The following MAPK8 variants were observed in gnomAD, a reference collection of about 807,000 sequenced individuals.
The protein encoded by MAPK8 is JUN N-terminal kinase.
MAPK8 carries 13 observed loss-of-function variants against 52.9 expected under a neutral mutation model. The observed-to-expected ratio is 0.25, with a 90% CI of 0.16 to 0.39. MAPK8 has a LOEUF of 0.39. MAPK8 is among the 10% of genes least tolerant of loss of function. The pLI is 1.00. For synonymous variants in MAPK8, 191 were observed against 169.8 expected (o/e 1.12, Z -0.97); for missense variants, 300 against 519.2 (o/e 0.58, Z 4.10).
chr10:48,431,152 T>G, intron 10 of MAPK8, 41 bp from the exon 11 acceptor site: 1 of 1,345,668 alleles, frequency 7.4e-7, no homozygotes, highest in Non-Finnish European at 1.1e-6. Context: ...AGATTGGCTC[T>G]TAGACTTTGA....
chr10:48,337,132 G>C (rs113862021), intron 1 of MAPK8, among the ~76,000 whole-genome samples: 1 of 151,982 alleles, frequency 6.6e-6, no homozygotes, highest in Non-Finnish European at 1.5e-5. Context: ...TAATACACAC[G>C]TACAGAATAC....
At chr10:48,334,879 G>A (rs529379785) in intron 1 of MAPK8, among the ~76,000 whole-genome samples, 1 of 152,248 alleles carries the variant, frequency 6.6e-6, no homozygotes, top group East Asian at 1.9e-4. Context: ...CTCCTAGCAC[G>A]CAAGTCTCTC....
intron 11 of MAPK8, 26 bp from the exon 12 acceptor site, chr10:48,434,858 T>G: frequency 6.3e-7 from 1 of 1,584,982 alleles, no homozygotes; most frequent in South Asian, 1.1e-5. Flanking sequence ...TGCAACTGAT[T>G]TGCTGTTTTG....
intron 6 of MAPK8, among the ~76,000 whole-genome samples, chr10:48,422,417 A>T (rs1406916643): frequency 1.3e-5 from 2 of 152,138 alleles, no homozygotes; most frequent in Non-Finnish European, 1.5e-5. Flanking sequence ...TAATCAATAT[A>T]TTTTTAACTG....
chr10:48,378,151 T>A (rs1331500382), intron 1 of MAPK8, among the ~76,000 whole-genome samples: 1 of 152,198 alleles, frequency 6.6e-6, no homozygotes, highest in Non-Finnish European at 1.5e-5. Flanking sequence ...GCATTGTTAA[T>A]CAAAATCTAA....
intron 5 of MAPK8, 120 bp downstream of exon 5, chr10:48,410,288 C>A: frequency 1.4e-6 from 1 of 725,292 alleles, no homozygotes; most frequent in South Asian, 4.7e-5. Flanking sequence ...ACAACTACCA[C>A]CCATATTAAA....
intron 1 of MAPK8, among the ~76,000 whole-genome samples, chr10:48,393,256 G>T (rs1255401173): frequency 6.6e-6 from 1 of 151,490 alleles, no homozygotes; most frequent in Non-Finnish European, 1.5e-5. Context: ...ATACCAAATT[G>T]ATATTTCCAT....
rs76626626 is a variant in MAPK8, at chr10:48,404,575, T to G, written c.123-277T>G. ...GGATTTGTACATTGAGTGCCCACGA[T>G]GTACTAGGTGGATCTTTGAGGCAAC... On this transcript the variant is annotated intron_variant, in intron 2 of 11. Coordinates refer to ENST00000374189, the MANE Select transcript of MAPK8 (RefSeq NM_001323329.2). Among the ~76,000 whole-genome samples the G allele has an allele frequency of 2.0e-4, 30 of 152,322 alleles. No homozygotes were observed. In the East Asian group the frequency reaches 5.2e-3, roughly 26 times the overall value.
chr10:48,396,535 C>T (rs556949393), intron 1 of MAPK8, among the ~76,000 whole-genome samples: 44 of 152,224 alleles, frequency 2.9e-4, no homozygotes, highest in African/African-American at 9.4e-4. Flanking sequence ...AACAGTTTGC[C>T]AGTTTCTTAT....
In MAPK8 at chr10:48,420,235, A is replaced by G. The variant is rs772592865; in HGVS notation, c.531A>G (p.Gly177=). The G allele has an allele frequency of 1.2e-6, 2 of 1,613,850 alleles. No homozygotes were observed. The highest frequency in any genetic ancestry group is 1.7e-6 in the Non-Finnish European group (2 of 1,179,890). Residue 177 remains glycine (G), a synonymous_variant, in exon 6 of 12, where the codon GGA becomes GGG. Transcript: ENST00000374189. ...ACTTCGGTCTGGCCAGGACTGCAGG[A>G]ACGAGTTTTATGATGACGCCTTATG... ...ILDFGLARTA[G]TSFMMTPYVV...
intron 2 of MAPK8, among the ~76,000 whole-genome samples, chr10:48,404,495 A>T (rs903666127): frequency 1.3e-5 from 2 of 152,138 alleles, no homozygotes; most frequent in Admixed American, 6.6e-5. Flanking sequence ...TGATGGAAGT[A>T]CAAGGTTAAG....
In MAPK8 at chr10:48,330,566, A is replaced by G. The variant is rs192842688; in HGVS notation, c.-50+23745A>G. Among the ~76,000 whole-genome samples the G allele has an allele frequency of 3.8e-3, 574 of 152,314 alleles. 5 individuals carry two copies. Among genetic ancestry groups the G allele is most frequent in the African/African-American group, 0.013 (546 of 41,562 alleles). On this transcript the variant is annotated intron_variant, in intron 1 of 11. Coordinates refer to ENST00000374189, the MANE Select transcript of MAPK8 (RefSeq NM_001323329.2). ...AAACACATTCACCCGTCCAAACCCAATGAATGGACTCAGAGACATGAAGAA... is the reference window on the plus strand; with the variant it reads ...AAACACATTCACCCGTCCAAACCCAGTGAATGGACTCAGAGACATGAAGAA...
At position 48,405,211 on chromosome 10, in the gene MAPK8, T is replaced by C. The variant is rs190247511; in HGVS notation, c.252+230T>C. Among the ~76,000 whole-genome samples the C allele has an allele frequency of 4.8e-4, 73 of 152,084 alleles. No individual in the cohort carries two copies. The East Asian group carries it at 0.013, about 26-fold the overall frequency. On this transcript the variant is annotated intron_variant, in intron 3 of 11. Coordinates refer to ENST00000374189, the MANE Select transcript of MAPK8 (RefSeq NM_001323329.2). ...TTTAGATTATATGATTTCCTGTCATTTAATTTACAAAAGGAGTTTTAAAAA... is the reference window on the plus strand; with the variant it reads ...TTTAGATTATATGATTTCCTGTCATCTAATTTACAAAAGGAGTTTTAAAAA...
At chr10:48,340,254 G>A (rs538314038) in intron 1 of MAPK8, among the ~76,000 whole-genome samples, 1 of 152,176 alleles carries the variant, frequency 6.6e-6, no homozygotes. Context: ...TTACAGCAAC[G>A]TGGATGCAGC....
chr10:48,432,263 G>C (rs1292104552), intron 11 of MAPK8, among the ~76,000 whole-genome samples: 1 of 152,140 alleles, frequency 6.6e-6, no homozygotes, highest in Non-Finnish European at 1.5e-5. Context: ...GTTGTATCTA[G>C]CATCTTGTAT....
At chr10:48,345,238 C>T (rs1845658855) in intron 1 of MAPK8, among the ~76,000 whole-genome samples, 1 of 152,142 alleles carries the variant, frequency 6.6e-6, no homozygotes, top group African/African-American at 2.4e-5. Flanking sequence ...CTTCCGGTTT[C>T]ATTGCTTGAC....
At chr10:48,388,719 A>G (rs1296727816) in intron 1 of MAPK8, among the ~76,000 whole-genome samples, 1 of 152,198 alleles carries the variant, frequency 6.6e-6, no homozygotes, top group African/African-American at 2.4e-5. Flanking sequence ...GAATGGGAGT[A>G]AAATTCTGGT....
Position 48,435,234 on chromosome 10 carries a change from ATTG to A in MAPK8, c.*207_*209del, listed in dbSNP as rs1403071763. On this transcript the variant is annotated 3_prime_UTR_variant, in exon 12 of 12. Transcript: ENST00000374189. ...TGTTTCAAAACAGCAACAAAACTGT[ATTG>A]TATTTTTTTTGCTGTAATTAACTGT... 4 of 448,752 alleles carry A rather than the reference ATTG, an allele frequency of 8.9e-6. No individual in the cohort carries two copies. Among genetic ancestry groups the A allele is most frequent in the Non-Finnish European group, 1.6e-5 (4 of 256,846 alleles). 27.8% of individuals were successfully genotyped at this position (448,752 alleles called of 1,614,324 possible). A position where few individuals can be genotyped will look rare whatever the true frequency, so the allele number is the denominator to read the frequency against.
At chr10:48,426,297 T>TTTTTTTTTTTA (rs2043680351) in intron 8 of MAPK8, 83 bp from the exon 9 acceptor site, 1 of 1,273,936 alleles carries the variant, frequency 7.8e-7, no homozygotes, top group Non-Finnish European at 1.1e-6. Flanking sequence ...ATATGCTTTT[T>TTTTTTTTTTTA]AAAAAATCTC....
Sources: allele counts gnomAD v4.1 joint callset (sites outside exome capture counted in the v4.1 genomes callset), GRCh38; gene constraint gnomAD v4.1.1; transcripts MANE v1.5; gene names NCBI Gene and HGNC (gene_info 2026-07-23, HGNC 2026-07-21).